KAZN: variants seen among roughly 807,000 people sequenced by gnomAD.
The protein encoded by KAZN is kazrin, periplakin interacting protein.
KAZN carries 40 observed loss-of-function variants against 87.4 expected under a neutral mutation model. The observed-to-expected ratio is 0.46, with a 90% confidence interval of 0.36 to 0.60. The LOEUF is 0.60. Among genes scored for constraint, KAZN ranks in the 20% least tolerant of loss-of-function variants. KAZN has a pLI of 0.00. For missense variants in KAZN, 898 were observed against 1,073.9 expected (o/e 0.84, Z 2.29); for synonymous variants, 466 against 458.3 (o/e 1.02, Z -0.22).
intron 8 of KAZN, among the ~76,000 whole-genome samples, chr1:15,070,157 G>A (rs980710189): frequency 3.3e-5 from 5 of 152,204 alleles, no homozygotes; most frequent in East Asian, 1.9e-4. Flanking sequence ...AGGGGCTGCC[G>A]CCAAGCAGCT....
intron 2 of KAZN, among the ~76,000 whole-genome samples, chr1:14,576,291 AGGATGGATGGAT>A (rs71587761): frequency 1.3e-4 from 16 of 125,456 alleles, no homozygotes; most frequent in South Asian, 2.4e-4. Context: ...GAAGGATGGA[AGGATGGATGGAT>A]GGATGGATGG....
At chr1:14,889,748 T>G (rs1654496127) in intron 1 of KAZN, among the ~76,000 whole-genome samples, 1 of 152,220 alleles carries the variant, frequency 6.6e-6, no homozygotes, top group Non-Finnish European at 1.5e-5. Flanking sequence ...GAAGAATGTT[T>G]CACGATGTGA....
rs1227643750 is a variant in KAZN at position 14,235,749 on chromosome 1, G to A, written c.249+55157G>A. On this transcript the variant is annotated intron_variant, in intron 2 of 16. Coordinates refer to the KAZN transcript ENST00000636203. ...CACAGTAAAGTCTGAAAATACTATG[G>A]CCACTGGATGGACTCTTAGGCATCC... Among the ~76,000 whole-genome samples, 5 of 152,272 alleles carry A rather than the reference G, an allele frequency of 3.3e-5. No homozygotes were observed. The East Asian group carries it at 9.6e-4, about 29-fold the overall frequency.
At chr1:15,014,949 A>T (rs1322350777) in intron 2 of KAZN, among the ~76,000 whole-genome samples, 2 of 152,054 alleles carry the variant, frequency 1.3e-5, no homozygotes, top group Admixed American at 1.3e-4. Context: ...TGGCTGCATG[A>T]CTTCCCCTCT....
chr1:14,791,105 A>AC (rs976873192), intron 1 of KAZN, among the ~76,000 whole-genome samples: 7 of 152,204 alleles, frequency 4.6e-5, no homozygotes, highest in Non-Finnish European at 8.8e-5. Flanking sequence ...TGCTTAACAG[A>AC]CAACCCTGCC....
chr1:14,958,507 G>A (rs1663436994), intron 1 of KAZN, among the ~76,000 whole-genome samples: 1 of 152,094 alleles, frequency 6.6e-6, no homozygotes, highest in African/African-American at 2.4e-5. Context: ...CCTTTATGAG[G>A]AGGGGCACTT....
intron 2 of KAZN, among the ~76,000 whole-genome samples, chr1:14,358,470 T>C (rs751681313): frequency 1.2e-4 from 18 of 152,182 alleles, no homozygotes; most frequent in Non-Finnish European, 2.2e-4. Flanking sequence ...TGCTAGCTTT[T>C]GAATTTGTTT....
intron 1 of KAZN, among the ~76,000 whole-genome samples, chr1:14,728,877 G>A (rs1422382803): frequency 6.6e-6 from 1 of 152,188 alleles, no homozygotes; most frequent in African/African-American, 2.4e-5. Context: ...AGGATTAGAT[G>A]AGCGAGCATG....
intron 8 of KAZN, among the ~76,000 whole-genome samples, chr1:15,082,082 A>G (rs1458026280): frequency 6.6e-6 from 1 of 152,154 alleles, no homozygotes; most frequent in Non-Finnish European, 1.5e-5. Context: ...GGAATTCAGC[A>G]GGGGACGTTG....
rs182388511 is a variant in KAZN at position 15,100,456 on chromosome 1, G to T, written c.1548-1087G>T. ...CGTGGCCCCCTGCACCTCCCACTTAGACCAGCGCTCTCCCACCTGTCAGAC... is the reference window on the plus strand; with the variant it reads ...CGTGGCCCCCTGCACCTCCCACTTATACCAGCGCTCTCCCACCTGTCAGAC... On this transcript the variant is annotated intron_variant, in intron 10 of 14. Coordinates refer to ENST00000376030, the MANE Select transcript of KAZN (RefSeq NM_201628.3). Among the ~76,000 whole-genome samples the T allele has an allele frequency of 9.1e-4, 138 of 152,286 alleles. 1 individual carries two copies. Among genetic ancestry groups the T allele is most frequent in the African/African-American group, 2.4e-3 (99 of 41,556 alleles).
chr1:13,962,627 G>C (rs537327195), intron 1 of KAZN, among the ~76,000 whole-genome samples: 69 of 152,236 alleles, frequency 4.5e-4, no homozygotes, highest in African/African-American at 1.6e-3. Flanking sequence ...GCGTGATCTT[G>C]GCTCACTGCA....
chr1:14,372,853 G>A (rs1042623077), intron 2 of KAZN, among the ~76,000 whole-genome samples: 4 of 152,206 alleles, frequency 2.6e-5, no homozygotes, highest in Non-Finnish European at 4.4e-5. Flanking sequence ...TCTTGCCCTC[G>A]AGGAGATTGT....
At chr1:14,880,784 A>G (rs1478031787) in intron 1 of KAZN, among the ~76,000 whole-genome samples, 5 of 152,180 alleles carry the variant, frequency 3.3e-5, no homozygotes, top group Non-Finnish European at 5.9e-5. Flanking sequence ...GAGCTTTCCA[A>G]GGGAACCAAC....
chr1:14,054,906 T>G (rs896702296), intron 1 of KAZN, among the ~76,000 whole-genome samples: 17 of 152,208 alleles, frequency 1.1e-4, no homozygotes, highest in African/African-American at 4.1e-4. Context: ...GGATGTGAAG[T>G]CTGGCTCTAG....
chr1:14,601,586 T>G (rs1157170531), intron 1 of KAZN, among the ~76,000 whole-genome samples: 1 of 152,204 alleles, frequency 6.6e-6, no homozygotes, highest in Non-Finnish European at 1.5e-5. Flanking sequence ...AAAAGAAGCC[T>G]TGAGTTCTCA....
At chr1:14,080,021 C>T (rs1171455556) in intron 1 of KAZN, among the ~76,000 whole-genome samples, 1 of 147,924 alleles carries the variant, frequency 6.8e-6, no homozygotes. Context: ...CTCAAAGGCC[C>T]CACTTTCTAA....
At position 14,995,848 on chromosome 1, in the gene KAZN, G is replaced by A. The variant is rs574155587; in HGVS notation, c.418+34973G>A. On this transcript the variant is annotated intron_variant, in intron 2 of 14. Transcript: ENST00000376030. ...ATTCTAGGCTCTAAAACTGGTGACC[G>A]ACAGAGAGATTTTCTTGAGTCTGCT... is the stretch of plus-strand genomic sequence containing the variant. Among the ~76,000 whole-genome samples the A allele has an allele frequency of 5.3e-5, 8 of 152,220 alleles. No individual in the cohort carries two copies. The East Asian group carries it at 5.8e-4, about 11-fold the overall frequency.
chr1:14,934,077 G>A (rs182261806), intron 1 of KAZN, among the ~76,000 whole-genome samples: 2,382 of 151,788 alleles, frequency 0.016, 51 homozygotes, highest in African/African-American at 0.054. Context: ...GGATGGTCTC[G>A]ATCTCCTGAC....
intron 2 of KAZN, among the ~76,000 whole-genome samples, chr1:14,369,456 G>T (rs1300902712): frequency 2.0e-5 from 3 of 152,172 alleles, no homozygotes; most frequent in African/African-American, 7.2e-5. Context: ...CTTCAAAGAA[G>T]GAGCCTTGAA....
Sources: allele counts gnomAD v4.1 joint callset (sites outside exome capture counted in the v4.1 genomes callset), GRCh38; gene constraint gnomAD v4.1.1; transcripts MANE v1.5; gene names NCBI Gene and HGNC (gene_info 2026-07-23, HGNC 2026-07-21).